AKR1D1: variants seen among roughly 807,000 people sequenced by gnomAD.
AKR1D1 encodes the protein delta(4)-3-ketosteroid 5-beta-reductase.
A neutral mutation model predicts 42.6 loss-of-function variants in AKR1D1; 32 were observed. The ratio of observed to expected loss-of-function variants is 0.75; its 90% CI spans 0.57 to 1.01. The LOEUF (loss-of-function observed/expected upper bound fraction) is 1.01, where lower values mean the gene tolerates loss of function less well. AKR1D1 is among the 50% of genes least tolerant of loss of function. AKR1D1 has a pLI of 0.00. For synonymous variants in AKR1D1, 123 were observed against 135.5 expected, an observed-to-expected ratio of 0.91 and a Z score of 0.64; for missense variants, 364 against 402.2, an observed-to-expected ratio of 0.91 and a Z score of 0.81.
intron 1 of AKR1D1, among the ~76,000 whole-genome samples, chr7:138,076,890 G>T (rs1329821896): frequency 1.3e-5 from 2 of 152,128 alleles, no homozygotes; most frequent in Non-Finnish European, 2.9e-5. Context: ...TTACTAGAGT[G>T]AACTGAGCCA....
chr7:138,084,621 G>A lies in AKR1D1; in HGVS notation c.94-3980G>A, dbSNP rs570406957. The stretch of plus-strand genomic sequence containing the variant: ...GTTCAGTGAGATTGTCTTTAATTGT[G>A]GAATCAAATTTTTATATTTTAGATT... On this transcript the variant is annotated intron_variant, in intron 1 of 8. Transcript: ENST00000242375. Among the ~76,000 whole-genome samples the A allele has an allele frequency of 7.9e-5, 12 of 152,002 alleles. 1 individual carries two copies. Among genetic ancestry groups the A allele is most frequent in the Non-Finnish European group, 1.6e-4 (11 of 67,976 alleles).
chr7:138,078,162 A>G (rs1054450657), intron 1 of AKR1D1, among the ~76,000 whole-genome samples: 5 of 152,088 alleles, frequency 3.3e-5, no homozygotes, highest in African/African-American at 7.2e-5. Context: ...GGGTTTCATC[A>G]TATTGCCCAG....
chr7:138,105,537 A>C, intron 5 of AKR1D1, 108 bp downstream of exon 5: 1 of 1,486,488 alleles, frequency 6.7e-7, no homozygotes, highest in Non-Finnish European at 9.3e-7. Context: ...CTCCACCTAA[A>C]TCTCATCATG....
At chr7:138,104,319 A>G (rs1290291885) in intron 4 of AKR1D1, among the ~76,000 whole-genome samples, 20 of 152,174 alleles carry the variant, frequency 1.3e-4, no homozygotes, top group Admixed American at 1.3e-3. Flanking sequence ...ATTTACATAC[A>G]TATATGTATG....
intron 7 of AKR1D1, among the ~76,000 whole-genome samples, chr7:138,113,305 G>C (rs2117474392): frequency 6.8e-6 from 1 of 147,942 alleles, no homozygotes; most frequent in Non-Finnish European, 1.5e-5. Flanking sequence ...GACAGAGTAA[G>C]ACCCTGTCTC....
chr7:138,086,776 T>A (rs531101015), intron 1 of AKR1D1, among the ~76,000 whole-genome samples: 1 of 152,338 alleles, frequency 6.6e-6, no homozygotes, highest in Admixed American at 6.5e-5. Context: ...CCAACATTTG[T>A]TGAGCAAGAT....
At chr7:138,096,879 A>G (rs187524148) in intron 3 of AKR1D1, among the ~76,000 whole-genome samples, 92 of 152,282 alleles carry the variant, frequency 6.0e-4, no homozygotes, top group Middle Eastern at 6.8e-3. Context: ...TGGATTTAAT[A>G]CCATTTTACA....
intron 4 of AKR1D1, among the ~76,000 whole-genome samples, chr7:138,100,088 C>CAAAAAAAAAAAAA (rs59361346): frequency 5.3e-4 from 23 of 43,566 alleles, no homozygotes; most frequent in Non-Finnish European, 7.2e-4. Context: ...GATTTCATCT[C>CAAAAAAAAAAAAA]AAAAAAAAAA....
At chr7:138,102,322 C>T (rs1036677077) in intron 4 of AKR1D1, among the ~76,000 whole-genome samples, 2 of 151,874 alleles carry the variant, frequency 1.3e-5, no homozygotes, top group African/African-American at 4.8e-5. Flanking sequence ...TAACCCAGCA[C>T]TTTGAGAGGC....
intron 2 of AKR1D1, 84 bp from the exon 3 acceptor site, chr7:138,091,684 C>T (rs541770992): frequency 5.1e-5 from 55 of 1,071,000 alleles, no homozygotes; most frequent in South Asian, 1.4e-4. Context: ...AAAATGTGTA[C>T]GAGTGTTTTA....
intron 1 of AKR1D1, among the ~76,000 whole-genome samples, chr7:138,081,593 G>A (rs1489181333): frequency 3.2e-5 from 4 of 123,564 alleles, no homozygotes; most frequent in African/African-American, 6.1e-5. Flanking sequence ...TGGCACGATC[G>A]ATCTCGGCTC....
chr7:138,103,571 T>C (rs1156513600), intron 4 of AKR1D1, among the ~76,000 whole-genome samples: 2 of 151,882 alleles, frequency 1.3e-5, no homozygotes, highest in South Asian at 2.1e-4. Context: ...TAGACAGAGA[T>C]TGACAATTTA....
chr7:138,090,638 A>G (rs1794051414), intron 2 of AKR1D1, among the ~76,000 whole-genome samples: 1 of 104,314 alleles, frequency 9.6e-6, no homozygotes. Context: ...CCCCGTCTCA[A>G]AAAAAAAAAA....
chr7:138,076,665 C>G (rs545899980), intron 1 of AKR1D1, 54 bp downstream of exon 1: 3 of 1,444,602 alleles, frequency 2.1e-6, no homozygotes, highest in Admixed American at 1.7e-5. Context: ...TAACATTTGC[C>G]TATAGCATAA....
intron 7 of AKR1D1, among the ~76,000 whole-genome samples, chr7:138,111,024 C>T (rs114510506): frequency 0.018 from 2,792 of 152,202 alleles, 95 homozygotes; most frequent in African/African-American, 0.064. Flanking sequence ...CCACCCTTAT[C>T]CGACAGCTCT....
rs1017385247 is a variant in AKR1D1, at chr7:138,118,233, T to A, written c.*1571T>A. 6.6e-6 allele frequency among the ~76,000 whole-genome samples: 1 copy of A among 152,174 alleles called. No homozygotes were observed. Among genetic ancestry groups the A allele is most frequent in the East Asian group, 1.9e-4 (1 of 5,202 alleles). On this transcript the variant is annotated 3_prime_UTR_variant, in exon 9 of 9. Transcript: ENST00000242375. Reference sequence around the variant, plus strand: ...ATTGTTTTCACTGATTCCAATATTATTACTTATAACACTGACCTCTGGAAA... The same window carrying A: ...ATTGTTTTCACTGATTCCAATATTAATACTTATAACACTGACCTCTGGAAA...
intron 5 of AKR1D1, 53 bp from the exon 6 acceptor site, chr7:138,106,555 A>C: frequency 7.3e-7 from 1 of 1,376,516 alleles, no homozygotes; most frequent in Non-Finnish European, 1.0e-6. Flanking sequence ...GTACAATTGC[A>C]TTCAACAACG....
chr7:138,110,862 A>C (rs561959483), intron 7 of AKR1D1, among the ~76,000 whole-genome samples: 77 of 152,190 alleles, frequency 5.1e-4, no homozygotes, highest in Non-Finnish European at 9.8e-4. Context: ...AATTTTAAAA[A>C]AAAGAAATTA....
At chr7:138,087,221 C>T (rs1025820655) in intron 1 of AKR1D1, among the ~76,000 whole-genome samples, 2 of 152,174 alleles carry the variant, frequency 1.3e-5, no homozygotes, top group African/African-American at 2.4e-5. Flanking sequence ...AACACTATTA[C>T]TCACATGACA....
Sources: allele counts gnomAD v4.1 joint callset (sites outside exome capture counted in the v4.1 genomes callset), GRCh38; gene constraint gnomAD v4.1.1; transcripts MANE v1.5; gene names NCBI Gene and HGNC (gene_info 2026-07-23, HGNC 2026-07-21).